Variants in ZHX3 observed in about 807,000 individuals in gnomAD.
The protein encoded by ZHX3 is zinc fingers and homeoboxes 3.
Under a neutral mutation model 64.5 loss-of-function variants are expected in ZHX3, and 20 were observed. The observed-to-expected ratio is 0.31, with a 90% CI of 0.22 to 0.45. The LOEUF (loss-of-function observed/expected upper bound fraction) is 0.45. Among genes scored for constraint, ZHX3 ranks in the 20% least tolerant of loss-of-function variants. The pLI, the probability that ZHX3 is intolerant of heterozygous loss-of-function variation, is 1.00. For missense variants in ZHX3, 1,041 were observed against 1,195.8 expected, an observed-to-expected ratio of 0.87 and a Z score of 1.91; for synonymous variants, 423 against 461.6, an observed-to-expected ratio of 0.92 and a Z score of 1.07.
intron 2 of ZHX3, among the ~76,000 whole-genome samples, chr20:41,253,974 T>A (rs1473245520): frequency 6.6e-6 from 1 of 151,958 alleles, no homozygotes; most frequent in Non-Finnish European, 1.5e-5. Flanking sequence ...CCAAAAAAAA[T>A]GGAAGGTACT....
At position 41,202,192 on chromosome 20, in the gene ZHX3, G is replaced by A; in HGVS notation, c.2725C>T (p.Leu909Phe). 6.2e-7 allele frequency: 1 copy of A among 1,614,162 alleles called. No homozygotes were observed. Among genetic ancestry groups the A allele is most frequent in the Non-Finnish European group, 8.5e-7 (1 of 1,180,038 alleles). The change falls in exon 3 of 4, where the codon CTC becomes TTC. Residue 909 changes from leucine (L) to phenylalanine (F), a missense_variant. This residue lies in a region of ZHX3 where 649 missense variants were observed against 739.8 expected (regional missense o/e 0.88). Coordinates refer to ENST00000683867, the MANE Select transcript of ZHX3 (RefSeq NM_001384317.1). The surrounding 1 kb of genome is among the most constrained non-coding windows in gnomAD (Gnocchi z 7.0). Reference sequence around the variant, plus strand: ...CCCATCCCTTTGTGAACTGCTGTGAGCTCACCAGTACCAGGGCCCTGGTCC... The same window carrying A: ...CCCATCCCTTTGTGAACTGCTGTGAACTCACCAGTACCAGGGCCCTGGTCC... Reference protein sequence around the residue: ...SEDQGPGTGELTAVHKGMGDT... With the variant: ...SEDQGPGTGEFTAVHKGMGDT...
In ZHX3 at chr20:41,248,702, C is replaced by T. The variant is rs73263523; in HGVS notation, c.-151+20288G>A. On this transcript the variant is annotated intron_variant, in intron 2 of 3. Coordinates refer to ENST00000683867, the MANE Select transcript of ZHX3 (RefSeq NM_001384317.1). The stretch of plus-strand genomic sequence containing the variant: ...AAAACCTCATTCTTTTATAAAGCTC[C>T]CTCCTCTGTGGAATGAATGTGGGCA... 2.5e-3 allele frequency among the ~76,000 whole-genome samples: 377 copies of T among 152,282 alleles called. 3 individuals are homozygous for T. The highest frequency in any genetic ancestry group is 8.8e-3 in the African/African-American group (367 of 41,562).
intron 2 of ZHX3, among the ~76,000 whole-genome samples, chr20:41,236,676 A>C (rs2041015734): frequency 6.6e-6 from 1 of 152,234 alleles, no homozygotes. Flanking sequence ...CCCTAGAAGA[A>C]AACCTAGGCA....
intron 3 of ZHX3, among the ~76,000 whole-genome samples, chr20:41,187,608 T>C (rs1424093904): frequency 6.6e-6 from 1 of 152,214 alleles, no homozygotes; most frequent in African/African-American, 2.4e-5. Flanking sequence ...CTGGGCTTTT[T>C]ATTTTATTCC....
chr20:41,315,571 CA>C, intron 1 of ZHX3, among the ~76,000 whole-genome samples: 1 of 152,108 alleles, frequency 6.6e-6, no homozygotes, highest in South Asian at 2.1e-4. Context: ...CAGGCCACAG[CA>C]AGGCCTTCAG....
intron 2 of ZHX3, among the ~76,000 whole-genome samples, chr20:41,261,693 G>A (rs2042571251): frequency 6.6e-6 from 1 of 152,186 alleles, no homozygotes; most frequent in Non-Finnish European, 1.5e-5. Context: ...CATAAAGACT[G>A]ATCTTTGCCA....
chr20:41,198,149 C>T (rs2037913122), intron 3 of ZHX3, among the ~76,000 whole-genome samples: 1 of 151,932 alleles, frequency 6.6e-6, no homozygotes, highest in Admixed American at 6.6e-5. Context: ...GGATTAGCAC[C>T]ACCAGGCCCA....
chr20:41,275,412 G>C (rs2043331068), intron 1 of ZHX3, among the ~76,000 whole-genome samples: 1 of 152,096 alleles, frequency 6.6e-6, no homozygotes. Flanking sequence ...TCACCAGGAA[G>C]TTTAAGTTGA....
chr20:41,302,624 T>C (rs896895570), intron 1 of ZHX3, among the ~76,000 whole-genome samples: 2 of 152,268 alleles, frequency 1.3e-5, no homozygotes, highest in Admixed American at 6.5e-5. Context: ...ATGCCTATTC[T>C]CAACCATCTC....
chr20:41,247,090 G>A (rs1159266449), intron 2 of ZHX3, among the ~76,000 whole-genome samples: 1 of 152,042 alleles, frequency 6.6e-6, no homozygotes, highest in Admixed American at 6.6e-5. Flanking sequence ...GCAAAACCTT[G>A]TCTCTACAAA....
intron 3 of ZHX3, among the ~76,000 whole-genome samples, chr20:41,192,705 G>C (rs1395140471): frequency 6.6e-6 from 1 of 152,234 alleles, no homozygotes; most frequent in Non-Finnish European, 1.5e-5. Context: ...GGCACTCAGG[G>C]ACTCCAGGAC....
chr20:41,234,197 G>T (rs1568867913), intron 2 of ZHX3, among the ~76,000 whole-genome samples: 1 of 152,144 alleles, frequency 6.6e-6, no homozygotes, highest in African/African-American at 2.4e-5. Flanking sequence ...GCAATTGTGG[G>T]TACAAGATTC....
chr20:41,209,124 C>T (rs1447853792), intron 2 of ZHX3, among the ~76,000 whole-genome samples: 5 of 152,112 alleles, frequency 3.3e-5, no homozygotes, highest in Non-Finnish European at 7.4e-5. Flanking sequence ...CCTAGGAATC[C>T]AACTTACAAG....
chr20:41,190,589 A>G (rs1359226649), intron 3 of ZHX3, among the ~76,000 whole-genome samples: 2 of 152,046 alleles, frequency 1.3e-5, no homozygotes, highest in African/African-American at 4.8e-5. Context: ...CTGTAGTGGT[A>G]GCATTTGAGT....
rs1425881131 is a variant in ZHX3 at position 41,203,208 on chromosome 20, G to C, written c.1709C>G (p.Ser570Cys). The change falls in exon 3 of 4, where the codon TCT (serine) becomes TGT (cysteine). Residue 570 changes from serine to cysteine, a missense_variant. Physicochemically the swap from Ser to Cys is moderately radical, Grantham distance 112. Coordinates refer to ENST00000683867, the MANE Select transcript of ZHX3 (RefSeq NM_001384317.1). The surrounding 1 kb of genome is among the most constrained non-coding windows in gnomAD (Gnocchi z 7.1). ...PGDHSSIIIDSVPEVSFSPSS... is the reference protein window; with the variant it reads ...PGDHSSIIIDCVPEVSFSPSS... ...TGGGGAGAAGGACACCTCTGGCACA[G>C]AGTCAATGATGATGGAACTGTGATC... is the stretch of plus-strand genomic sequence containing the variant. 1 of 1,614,046 alleles carries C rather than the reference G, an allele frequency of 6.2e-7. No individual in the cohort carries two copies. The highest frequency in any genetic ancestry group is 1.3e-5 in the African/African-American group (1 of 74,898).
chr20:41,186,816 T>G (rs2036561767), intron 3 of ZHX3, among the ~76,000 whole-genome samples: 2 of 152,220 alleles, frequency 1.3e-5, no homozygotes, highest in Admixed American at 1.3e-4. Context: ...TTTGCCCGTT[T>G]TTGAATTGGT....
intron 2 of ZHX3, among the ~76,000 whole-genome samples, chr20:41,234,304 A>G (rs181151693): frequency 6.4e-4 from 98 of 152,346 alleles, no homozygotes; most frequent in African/African-American, 2.3e-3. Context: ...AAATTTGATG[A>G]CTAAGCTAAG....
chr20:41,185,100 C>T lies in ZHX3; in HGVS notation c.*91G>A, dbSNP rs781357105. 34 of 1,570,608 alleles carry T rather than the reference C, an allele frequency of 2.2e-5. No homozygotes were observed. Among genetic ancestry groups the T allele is most frequent in the South Asian group, 1.2e-4 (10 of 86,162 alleles). Reference sequence around the variant, plus strand: ...GGTGCCCAGCAGCCGGGCATGGGAACGGCATGTGGCAGCAGAGAGTCGGGT... The same window carrying T: ...GGTGCCCAGCAGCCGGGCATGGGAATGGCATGTGGCAGCAGAGAGTCGGGT... On this transcript the variant is annotated 3_prime_UTR_variant, in exon 4 of 4. Coordinates refer to ENST00000683867, the MANE Select transcript of ZHX3 (RefSeq NM_001384317.1). The surrounding 1 kb of genome is among the most constrained non-coding windows in gnomAD (Gnocchi z 5.0).
chr20:41,275,905 C>G (rs1392845254), intron 1 of ZHX3, among the ~76,000 whole-genome samples: 4 of 152,064 alleles, frequency 2.6e-5, no homozygotes, highest in African/African-American at 4.8e-5. Context: ...AGAAGAAATA[C>G]AAAAAATAAA....
Sources: gnomAD v4.1 joint callset for allele counts (sites outside exome capture counted in the v4.1 genomes callset) on GRCh38, gnomAD v4.1.1 for gene constraint, gnomAD v4.1.1 regional missense constraint, Gnocchi (gnomAD v3.1) non-coding constraint, MANE v1.5 for transcripts, NCBI Gene and HGNC (gene_info 2026-07-23, HGNC 2026-07-21) for gene names.